Variants in ZNF277 observed in about 807,000 individuals in gnomAD.
ZNF277 encodes the protein zinc finger protein 277, also known as nuclear receptor-interacting factor 4.
ZNF277 carries 55 observed loss-of-function variants against 60.7 expected under a neutral mutation model. The observed-to-expected ratio is 0.91, with a 90% CI of 0.73 to 1.13. The LOEUF is 1.13. Among genes scored for constraint, ZNF277 ranks in the 50% most tolerant of loss-of-function variants. The pLI is 0.00. For synonymous variants in ZNF277, 178 were observed against 179.3 expected, an observed-to-expected ratio of 0.99 and a Z score of 0.06; for missense variants, 510 against 523.0, an observed-to-expected ratio of 0.98 and a Z score of 0.24.
intron 4 of ZNF277, among the ~76,000 whole-genome samples, chr7:112,307,559 C>T (rs376995179): frequency 2.6e-5 from 4 of 151,950 alleles, no homozygotes; most frequent in Admixed American, 6.6e-5. Flanking sequence ...GGATTATAGG[C>T]GTGCACCAGC....
chr7:112,332,668 C>A (rs1793250584), intron 7 of ZNF277, among the ~76,000 whole-genome samples: 1 of 152,138 alleles, frequency 6.6e-6, no homozygotes, highest in African/African-American at 2.4e-5. Context: ...ATTCCTATTC[C>A]CTATTTTCTA....
intron 1 of ZNF277, among the ~76,000 whole-genome samples, chr7:112,248,298 A>C: frequency 6.9e-6 from 1 of 145,652 alleles, no homozygotes; most frequent in Non-Finnish European, 1.5e-5. Flanking sequence ...GTGGCTCTGA[A>C]TAGGGGGTGG....
chr7:112,207,524 C>T (rs1587070604), intron 1 of ZNF277, among the ~76,000 whole-genome samples: 2 of 152,174 alleles, frequency 1.3e-5, no homozygotes, highest in East Asian at 3.8e-4. Flanking sequence ...ACCATCACAA[C>T]TTTGGCTGTA....
chr7:112,212,039 G>T (rs1323047363), intron 1 of ZNF277, among the ~76,000 whole-genome samples: 3 of 152,198 alleles, frequency 2.0e-5, no homozygotes, highest in African/African-American at 7.2e-5. Flanking sequence ...CTTGTGAAAG[G>T]TATGCATACC....
chr7:112,235,802 T>C (rs1211487454), intron 1 of ZNF277, among the ~76,000 whole-genome samples: 3 of 151,992 alleles, frequency 2.0e-5, no homozygotes, highest in Middle Eastern at 3.2e-3. Context: ...TATTTTTTTT[T>C]CCTTTAATCA....
intron 4 of ZNF277, among the ~76,000 whole-genome samples, chr7:112,303,052 A>G (rs959860245): frequency 2.6e-5 from 4 of 151,176 alleles, no homozygotes; most frequent in African/African-American, 9.7e-5. Context: ...GATTCAAGCA[A>G]TTCTCATGCC....
chr7:112,262,571 A>G (rs1222324542), intron 1 of ZNF277, among the ~76,000 whole-genome samples: 1 of 152,162 alleles, frequency 6.6e-6, no homozygotes, highest in Non-Finnish European at 1.5e-5. Flanking sequence ...AGTTAAATAT[A>G]TAAATAAAGG....
intron 2 of ZNF277, among the ~76,000 whole-genome samples, chr7:112,292,562 A>G (rs1489095333): frequency 6.6e-6 from 1 of 152,146 alleles, no homozygotes; most frequent in African/African-American, 2.4e-5. Flanking sequence ...AACTTTAATT[A>G]TAGGGGCTCT....
At chr7:112,326,727 GA>G (rs1445432203) in intron 5 of ZNF277, among the ~76,000 whole-genome samples, 1 of 151,246 alleles carries the variant, frequency 6.6e-6, no homozygotes, top group Non-Finnish European at 1.5e-5. Context: ...AAAAAACACT[GA>G]AAACATTTTT....
At chr7:112,289,122 A>G (rs1792144085) in intron 2 of ZNF277, 2 of 152,156 alleles carry the variant, frequency 1.3e-5, no homozygotes, top group African/African-American at 4.8e-5. Flanking sequence ...TGAGTTTTCC[A>G]TTTGTATTTA....
intron 1 of ZNF277, among the ~76,000 whole-genome samples, chr7:112,266,679 G>T (rs1222399592): frequency 1.3e-5 from 2 of 152,086 alleles, no homozygotes; most frequent in African/African-American, 4.8e-5. Context: ...TAAAATTTAG[G>T]TATGTGGAGC....
intron 1 of ZNF277, among the ~76,000 whole-genome samples, chr7:112,283,860 A>G (rs536572069): frequency 2.6e-5 from 4 of 152,198 alleles, no homozygotes; most frequent in Admixed American, 6.5e-5. Flanking sequence ...AAGAATTGCT[A>G]TGGGGTATTA....
Position 112,232,042 on chromosome 7 carries a change from CATATAT to C in ZNF277, c.91+25272_91+25277del, listed in dbSNP as rs67934905. The stretch of plus-strand genomic sequence containing the variant: ...GAACTGCCCCTAAAATAAATAAATA[CATATAT>C]ATATATATATATATATATATATATA... On this transcript the variant is annotated intron_variant, in intron 1 of 11. Transcript: ENST00000361822. Among the ~76,000 whole-genome samples, 664 of 133,186 alleles carry C rather than the reference CATATAT, an allele frequency of 5.0e-3. 2 individuals carry two copies. Among genetic ancestry groups the C allele is most frequent in the African/African-American group, 0.012 (386 of 31,370 alleles). The allele number at this position is 133,186 out of a possible 152,430, so 87.4% of individuals were successfully genotyped here.
intron 1 of ZNF277, among the ~76,000 whole-genome samples, chr7:112,214,260 C>T (rs1192187553): frequency 3.9e-5 from 6 of 152,122 alleles, no homozygotes; most frequent in Non-Finnish European, 7.3e-5. Flanking sequence ...ATATAAATCA[C>T]GAGTATATAG....
At chr7:112,308,891 AAGAAATGGAT>A (rs1444795224) in intron 4 of ZNF277, among the ~76,000 whole-genome samples, 13 of 152,118 alleles carry the variant, frequency 8.5e-5, no homozygotes, top group Admixed American at 8.5e-4. Context: ...AAATTTGATG[AAGAAATGGAT>A]AGTTGTGGGG....
At chr7:112,259,473 C>T (rs7791520) in intron 1 of ZNF277, among the ~76,000 whole-genome samples, 26,051 of 152,076 alleles carry the variant, frequency 0.17, 3,242 homozygotes, top group African/African-American at 0.34. Context: ...AGATACTTCC[C>T]GAAGATTTCT....
chr7:112,254,339 A>T (rs950700680), intron 1 of ZNF277, among the ~76,000 whole-genome samples: 1 of 152,100 alleles, frequency 6.6e-6, no homozygotes, highest in African/African-American at 2.4e-5. Flanking sequence ...TGAATCAGCA[A>T]CTCTGGGAAT....
intron 2 of ZNF277, among the ~76,000 whole-genome samples, chr7:112,291,361 A>G (rs1792202856): frequency 1.3e-5 from 2 of 152,190 alleles, no homozygotes; most frequent in South Asian, 2.1e-4. Context: ...TTGTGAGACA[A>G]TTCTGTGAGA....
intron 1 of ZNF277, among the ~76,000 whole-genome samples, chr7:112,208,806 G>A (rs1039248125): frequency 2.8e-5 from 4 of 144,692 alleles, no homozygotes; most frequent in Non-Finnish European, 4.5e-5. Context: ...TCAGCCTCCC[G>A]AGTAACTGGG....
Sources: gnomAD v4.1 joint callset for allele counts (sites outside exome capture counted in the v4.1 genomes callset) on GRCh38, gnomAD v4.1.1 for gene constraint, MANE v1.5 for transcripts, NCBI Gene and HGNC (gene_info 2026-07-23, HGNC 2026-07-21) for gene names.